BTNL3: variants seen among roughly 807,000 people sequenced by gnomAD.
The protein encoded by BTNL3 is butyrophilin like 3, also known as butyrophilin-like protein 3.
BTNL3 carries 20 observed loss-of-function variants against 40.1 expected under a neutral mutation model. That is an observed-to-expected ratio of 0.50 (90% CI 0.35 to 0.72). BTNL3 has a LOEUF of 0.72. Ranked by LOEUF, BTNL3 falls within the 30% of genes least tolerant of loss-of-function variation. The pLI, the probability that BTNL3 is intolerant of heterozygous loss-of-function variation, is 0.01. For synonymous variants in BTNL3, 179 were observed against 222.1 expected, an observed-to-expected ratio of 0.81 and a Z score of 1.73; for missense variants, 449 against 582.2, an observed-to-expected ratio of 0.77 and a Z score of 2.35.
chr5:181,005,443 A>T lies in BTNL3; in HGVS notation c.972A>T (p.Arg324Ser), dbSNP rs1460696955. The change falls in exon 8 of 8, where the codon AGA becomes AGT. Residue 324 changes from arginine (R) to serine (S), a missense_variant. This residue lies in a region of BTNL3 where 323 missense variants were observed against 464.9 expected (regional missense o/e 0.69). Transcript: ENST00000342868. ...AGGAGGTGCCTCACTCTGAGAAGAG[A>T]TTTACAAGGAAGAGTGTGGTGGCTT... Reference protein sequence around the residue: ...APQEVPHSEKRFTRKSVVASQ... With the variant: ...APQEVPHSEKSFTRKSVVASQ... 1.9e-6 allele frequency: 3 copies of T among 1,613,932 alleles called. No individual in the cohort carries two copies. The African/African-American group carries it at 4.0e-5, about 22-fold the overall frequency.
At position 181,002,376 on chromosome 5, in the gene BTNL3, GTATATATA is replaced by G. The variant is rs55873315; in HGVS notation, c.674-276_674-269del. On this transcript the variant is annotated intron_variant, in intron 3 of 7. Transcript: ENST00000342868. ...CACACACACACACACACGTGTGTGT[GTATATATA>G]TATATATATATATATATATGAAATC... Among the ~76,000 whole-genome samples the G allele has an allele frequency of 7.4e-3, 605 of 81,582 alleles. 63 individuals are homozygous for G. The highest frequency in any genetic ancestry group is 0.018 in the African/African-American group (467 of 26,310). The allele number at this position is 81,582 out of a possible 152,430, so 53.5% of individuals were successfully genotyped here. A position where few individuals can be genotyped will look rare whatever the true frequency, so the allele number is the denominator to read the frequency against.
At position 181,006,045 on chromosome 5, in the gene BTNL3, G is replaced by A. The variant is rs568767216; in HGVS notation, c.*173G>A. On this transcript the variant is annotated 3_prime_UTR_variant, in exon 8 of 8. Coordinates refer to ENST00000342868, the MANE Select transcript of BTNL3 (RefSeq NM_197975.3). Reference sequence around the variant, plus strand: ...CTTCTGCCCTGAGCCCTGCAGCAGCGGCAGTCACAGCTTCCAGATGAGGGG... The same window carrying A: ...CTTCTGCCCTGAGCCCTGCAGCAGCAGCAGTCACAGCTTCCAGATGAGGGG... 45 of 693,240 alleles carry A rather than the reference G, an allele frequency of 6.5e-5. No homozygotes were observed. The highest frequency in any genetic ancestry group is 1.4e-4 in the African/African-American group (8 of 55,676). The allele number at this position is 693,240 out of a possible 1,614,324, so 42.9% of individuals were successfully genotyped here.
intron 1 of BTNL3, among the ~76,000 whole-genome samples, chr5:180,992,088 CAT>C (rs1759978038): frequency 7.3e-6 from 1 of 136,888 alleles, no homozygotes; most frequent in African/African-American, 2.5e-5. Context: ...AGTGGAAAAA[CAT>C]AAAATTATTA....
At chr5:180,994,249 T>C (rs1760008526) in intron 2 of BTNL3, among the ~76,000 whole-genome samples, 1 of 137,636 alleles carries the variant, frequency 7.3e-6, no homozygotes. Flanking sequence ...CCTCCAGCCA[T>C]CCTTTTAGGA....
In BTNL3 at chr5:181,005,829, A is replaced by C. The variant is rs767764392; in HGVS notation, c.1358A>C (p.Glu453Ala). Reference sequence around the variant, plus strand: ...ATCCAGCATGCGATGTATGACGAGGAAAAGGGGACTCCCATATTCATATGT... The same window carrying C: ...ATCCAGCATGCGATGTATGACGAGGCAAAGGGGACTCCCATATTCATATGT... Reference protein sequence around the residue: ...PYIQHAMYDEEKGTPIFICPV... With the variant: ...PYIQHAMYDEAKGTPIFICPV... The change falls in exon 8 of 8, where the codon GAA becomes GCA. Residue 453 changes from glutamate (E) to alanine (A), a missense_variant. Physicochemically the swap from Glu to Ala is moderately radical, Grantham distance 107. Around this residue, in one of 2 missense-constraint regions of BTNL3, gnomAD observed 126 missense variants for 117.2 expected, o/e 1.07. Coordinates refer to ENST00000342868, the MANE Select transcript of BTNL3 (RefSeq NM_197975.3). The C allele has an allele frequency of 6.2e-7, 1 of 1,613,404 alleles. No individual in the cohort carries two copies. The highest frequency in any genetic ancestry group is 8.5e-7 in the Non-Finnish European group (1 of 1,179,650).
chr5:180,997,293 T>G lies in BTNL3; in HGVS notation c.478T>G (p.Phe160Val). The G allele has an allele frequency of 6.8e-7, 1 of 1,464,696 alleles. No individual in the cohort carries two copies. Among genetic ancestry groups the G allele is most frequent in the Non-Finnish European group, 9.4e-7 (1 of 1,059,480 alleles). 90.7% of individuals were successfully genotyped at this position (1,464,696 alleles called of 1,614,324 possible). ...IQLLCLSSGW[F>V]PQPTAKWKGP... ...GTTACTCTGCCTGTCCTCAGGCTGG[T>G]TCCCCCAGCCCACAGCCAAGTGGAA... is the stretch of plus-strand genomic sequence containing the variant. Residue 160 changes from phenylalanine (F) to valine (V), a missense_variant, in exon 3 of 8, where the codon TTC becomes GTC. By Grantham distance (50) the Phe-to-Val change is conservative. This residue lies in a region of BTNL3 where 323 missense variants were observed against 464.9 expected (regional missense o/e 0.69). Transcript: ENST00000342868.
Position 181,005,983 on chromosome 5 carries a change from A to T in BTNL3, c.*111A>T. On this transcript the variant is annotated 3_prime_UTR_variant, in exon 8 of 8. Coordinates refer to ENST00000342868, the MANE Select transcript of BTNL3 (RefSeq NM_197975.3). Reference sequence around the variant, plus strand: ...TCCTCTCCGGAGCCTGCGCACAGAGAGTCACGCCCCCCACTCTCCTTTAGG... The same window carrying T: ...TCCTCTCCGGAGCCTGCGCACAGAGTGTCACGCCCCCCACTCTCCTTTAGG... 1 of 1,219,814 alleles carries T rather than the reference A, an allele frequency of 8.2e-7. No homozygotes were observed. The highest frequency in any genetic ancestry group is 1.6e-5 in the South Asian group (1 of 61,480). 75.6% of individuals were successfully genotyped at this position (1,219,814 alleles called of 1,614,324 possible).
chr5:180,996,570 C>T lies in BTNL3; in HGVS notation c.398-643C>T, dbSNP rs145097514. ...TGCCTTTTTCAGATCTTGTCTCACA[C>T]CCCTACTCTCTTATACATCATCTGG... On this transcript the variant is annotated intron_variant, in intron 2 of 7. Transcript: ENST00000342868. 5.0e-4 allele frequency among the ~76,000 whole-genome samples: 69 copies of T among 136,848 alleles called. 15 individuals are homozygous for T. The highest frequency in any genetic ancestry group is 1.7e-3 in the South Asian group (8 of 4,606). The allele number at this position is 136,848 out of a possible 152,430, so 89.8% of individuals were successfully genotyped here.
rs373770872 is a variant in BTNL3 at position 181,001,641 on chromosome 5, C to T, written c.674-1031C>T. Among the ~76,000 whole-genome samples, 3 of 132,856 alleles carry T rather than the reference C, an allele frequency of 2.3e-5. 1 individual carries two copies. Among genetic ancestry groups the T allele is most frequent in the Non-Finnish European group, 3.4e-5 (2 of 58,552 alleles). The allele number at this position is 132,856 out of a possible 152,430, so 87.2% of individuals were successfully genotyped here. ...CGGGAGGATCACGAGGTTAGGAGAT[C>T]GAGACCATCCTGGCTAACATGGTGA... On this transcript the variant is annotated intron_variant, in intron 3 of 7. Coordinates refer to ENST00000342868, the MANE Select transcript of BTNL3 (RefSeq NM_197975.3).
In BTNL3 at chr5:181,004,967, C is replaced by T. The variant is rs557025632; in HGVS notation, c.862+205C>T. On this transcript the variant is annotated intron_variant, in intron 7 of 7. Transcript: ENST00000342868. ...CAGCTAGGAGGGGTCACAGGCAAGA[C>T]GCCAGGGAACTGAGGGCATTAGTAG... Among the ~76,000 whole-genome samples the T allele has an allele frequency of 1.6e-4, 24 of 152,130 alleles. 1 individual carries two copies. Among genetic ancestry groups the T allele is most frequent in the Middle Eastern group, 3.4e-3 (1 of 294 alleles).
intron 5 of BTNL3, 109 bp from the exon 6 acceptor site, chr5:181,004,308 T>C (rs1475066135): frequency 1.6e-6 from 1 of 631,094 alleles, no homozygotes. Flanking sequence ...CAGGATAAAC[T>C]GGGTGAGAGT....
Position 181,000,483 on chromosome 5 carries a change from C to T in BTNL3, c.674-2189C>T, listed in dbSNP as rs896164389. Among the ~76,000 whole-genome samples the T allele has an allele frequency of 1.5e-4, 20 of 136,794 alleles. 2 individuals are homozygous for T. Among genetic ancestry groups the T allele is most frequent in the African/African-American group, 4.8e-4 (19 of 39,858 alleles). The allele number at this position is 136,794 out of a possible 152,430, so 89.7% of individuals were successfully genotyped here. ...GCCACCTAATTTTTTAAATACATAC[C>T]GAAAACATTATACATAATGTGTCAT... On this transcript the variant is annotated intron_variant, in intron 3 of 7. Coordinates refer to ENST00000342868, the MANE Select transcript of BTNL3 (RefSeq NM_197975.3).
At chr5:180,995,807 G>A (rs1405101459) in intron 2 of BTNL3, among the ~76,000 whole-genome samples, 1 of 135,634 alleles carries the variant, frequency 7.4e-6, no homozygotes, top group African/African-American at 2.5e-5. Flanking sequence ...TGGGGGAGTG[G>A]TCATAGGATG....
In BTNL3 at chr5:181,000,449, AAAT is replaced by A. The variant is rs561322430; in HGVS notation, c.674-2217_674-2215del. On this transcript the variant is annotated intron_variant, in intron 3 of 7. Transcript: ENST00000342868. ...AGATACTTGCAGCAAACATCATACA[AAAT>A]AATAAGCCACCTAATTTTTTAAATA... Among the ~76,000 whole-genome samples the A allele has an allele frequency of 3.4e-3, 472 of 137,320 alleles. 55 individuals are homozygous for A. The highest frequency in any genetic ancestry group is 0.011 in the African/African-American group (455 of 39,998). The allele number at this position is 137,320 out of a possible 152,430, so 90.1% of individuals were successfully genotyped here.
intron 3 of BTNL3, among the ~76,000 whole-genome samples, chr5:181,002,467 C>T (rs1296413505): frequency 5.9e-5 from 3 of 50,752 alleles, no homozygotes; most frequent in African/African-American, 2.5e-4. Context: ...CACACACACA[C>T]GTGAATATAT....
chr5:180,999,841 C>T (rs1459018307), intron 3 of BTNL3, among the ~76,000 whole-genome samples: 1 of 135,482 alleles, frequency 7.4e-6, no homozygotes, highest in Non-Finnish European at 1.7e-5. Flanking sequence ...ATACAAAATC[C>T]GAAGGAAAGA....
chr5:180,989,648 C>T (rs1759944103), intron 1 of BTNL3, among the ~76,000 whole-genome samples: 1 of 135,354 alleles, frequency 7.4e-6, no homozygotes, highest in South Asian at 2.2e-4. Flanking sequence ...ACCATCAAGA[C>T]AAAGCCTGGT....
rs1450026437 is a variant in BTNL3 at position 180,989,645 on chromosome 5, A to G, written c.49+568A>G. Among the ~76,000 whole-genome samples the G allele has an allele frequency of 2.2e-5, 3 of 135,720 alleles. 1 individual carries two copies. Among genetic ancestry groups the G allele is most frequent in the African/African-American group, 5.1e-5 (2 of 39,428 alleles). 89.0% of individuals were successfully genotyped at this position (135,720 alleles called of 152,430 possible). Reference sequence around the variant, plus strand: ...TTCTTTCTCCTTCTAGTAACCATCAAGACAAAGCCTGGTGTATAGGATATT... The same window carrying G: ...TTCTTTCTCCTTCTAGTAACCATCAGGACAAAGCCTGGTGTATAGGATATT... On this transcript the variant is annotated intron_variant, in intron 1 of 7. Transcript: ENST00000342868.
Position 181,003,494 on chromosome 5 carries a change from A to T in BTNL3, c.788-362A>T, listed in dbSNP as rs537551544. On this transcript the variant is annotated intron_variant, in intron 4 of 7. Transcript: ENST00000342868. ...AATAAAACTGACTGACTGAGATAAAATGATAATCTCAGTAAGAGTCTTCAC... is the reference window on the plus strand; with the variant it reads ...AATAAAACTGACTGACTGAGATAAATTGATAATCTCAGTAAGAGTCTTCAC... Among the ~76,000 whole-genome samples, 4 of 137,600 alleles carry T rather than the reference A, an allele frequency of 2.9e-5. 1 individual carries two copies. The highest frequency in any genetic ancestry group is 4.3e-4 in the South Asian group (2 of 4,642). The allele number at this position is 137,600 out of a possible 152,430, so 90.3% of individuals were successfully genotyped here. A position where few individuals can be genotyped will look rare whatever the true frequency, so the allele number is the denominator to read the frequency against.
Sources: allele counts gnomAD v4.1 joint callset (sites outside exome capture counted in the v4.1 genomes callset), GRCh38; gene constraint gnomAD v4.1.1; regional missense constraint gnomAD v4.1.1; transcripts MANE v1.5; gene names NCBI Gene and HGNC (gene_info 2026-07-23, HGNC 2026-07-21).